The following ICE2 variants were observed in gnomAD, a reference collection of about 807,000 sequenced individuals.
The protein encoded by ICE2 is interactor of little elongation complex ELL subunit 2.
Under a neutral mutation model 105.4 loss-of-function variants are expected in ICE2, and 87 were observed. The observed-to-expected ratio is 0.83, with a 90% CI of 0.69 to 0.99. The LOEUF is 0.99. Among genes scored for constraint, ICE2 ranks in the 50% least tolerant of loss-of-function variants. The pLI, the probability that ICE2 is intolerant of heterozygous loss-of-function variation, is 0.00. For missense variants in ICE2, 1,323 were observed against 1,146.7 expected, an observed-to-expected ratio of 1.15 and a Z score of -2.22; for synonymous variants, 399 against 392.0, an observed-to-expected ratio of 1.02 and a Z score of -0.21.
In ICE2 at chr15:60,421,110, C is replaced by G. The variant is rs2063238989; in HGVS notation, c.*2524G>C. On this transcript the variant is annotated 3_prime_UTR_variant, in exon 16 of 16. Coordinates refer to ENST00000261520, the MANE Select transcript of ICE2 (RefSeq NM_024611.6). ...AGTTGCACTCACTTACTGAATTAAACTGTTTTCAAAGAGGTGTGTATAAAT... is the reference window on the plus strand; with the variant it reads ...AGTTGCACTCACTTACTGAATTAAAGTGTTTTCAAAGAGGTGTGTATAAAT... The G allele has an allele frequency of 6.6e-6, 1 of 151,940 alleles. No individual in the cohort carries two copies. The highest frequency in any genetic ancestry group is 2.1e-4 in the South Asian group (1 of 4,828). 9.4% of individuals were successfully genotyped at this position (151,940 alleles called of 1,614,324 possible). A position where few individuals can be genotyped will look rare whatever the true frequency, so the allele number is the denominator to read the frequency against.
intron 13 of ICE2, among the ~76,000 whole-genome samples, chr15:60,434,008 T>C (rs1595749147): frequency 6.6e-6 from 1 of 152,126 alleles, no homozygotes; most frequent in African/African-American, 2.4e-5. Flanking sequence ...CCTGGAACTA[T>C]GCGGCTAGTA....
intron 13 of ICE2, among the ~76,000 whole-genome samples, chr15:60,434,567 A>AC (rs1566972767): frequency 4.7e-5 from 7 of 148,732 alleles, no homozygotes; most frequent in Admixed American, 2.7e-4. Context: ...ACACACACAC[A>AC]ATGGAATATA....
At chr15:60,440,599 G>A (rs994516128) in intron 12 of ICE2, 1 of 152,072 alleles carries the variant, frequency 6.6e-6, no homozygotes, top group Non-Finnish European at 1.5e-5. Context: ...GCATCAGTAC[G>A]ACCTGAGAAA....
intron 5 of ICE2, among the ~76,000 whole-genome samples, chr15:60,461,347 G>A (rs976206126): frequency 5.3e-5 from 8 of 151,764 alleles, no homozygotes; most frequent in Non-Finnish European, 1.2e-4. Context: ...GAAACTTTAC[G>A]GCTTAATAAA....
In ICE2 at chr15:60,436,224, T is replaced by C. The variant is rs2063583522; in HGVS notation, c.2429A>G (p.His810Arg). The C allele has an allele frequency of 1.6e-6, 2 of 1,288,472 alleles. No homozygotes were observed. The highest frequency in any genetic ancestry group is 2.1e-6 in the Non-Finnish European group (2 of 945,920). 79.8% of individuals were successfully genotyped at this position (1,288,472 alleles called of 1,614,324 possible). ...AAGTTTTGAAGTAAATGCATCGATA[T>C]GCCCTAAAATAAAATATCAAACTTA... The part of the protein sequence containing the change: ...LHSNSSFYVG[H>R]IDAFTSKLFL... Residue 810 changes from histidine (H) to arginine (R), a missense_variant, in exon 13 of 16, where the codon CAT becomes CGT. Coordinates refer to ENST00000261520, the MANE Select transcript of ICE2 (RefSeq NM_024611.6).
chr15:60,450,928 T>C lies in ICE2; in HGVS notation c.1126-1087A>G, dbSNP rs149828533. On this transcript the variant is annotated intron_variant, in intron 9 of 15. Coordinates refer to ENST00000261520, the MANE Select transcript of ICE2 (RefSeq NM_024611.6). ...AACTATATGCTGCTTATGTGAGGCA[T>C]TCCTACACAAAAAGGTTAAAAACAA... Among the ~76,000 whole-genome samples, 754 of 152,270 alleles carry C rather than the reference T, an allele frequency of 5.0e-3. 7 individuals carry two copies. The highest frequency in any genetic ancestry group is 0.017 in the African/African-American group (717 of 41,552).
chr15:60,431,014 G>T (rs2063446610), intron 14 of ICE2, among the ~76,000 whole-genome samples: 1 of 152,050 alleles, frequency 6.6e-6, no homozygotes, highest in African/African-American at 2.4e-5. Context: ...TGGGATTACA[G>T]GTGCACGCCA....
intron 15 of ICE2, 147 bp downstream of exon 15, chr15:60,428,279 TACA>T (rs2063380313): frequency 1.1e-6 from 1 of 882,322 alleles, no homozygotes; most frequent in African/African-American, 1.7e-5. Flanking sequence ...CACCATGGCA[TACA>T]ACTTTATCCT....
intron 5 of ICE2, among the ~76,000 whole-genome samples, chr15:60,466,021 G>A (rs1300426829): frequency 6.6e-6 from 1 of 151,984 alleles, no homozygotes. Context: ...CAAAGTGCTG[G>A]GATTAGAGGT....
At chr15:60,436,969 T>C (rs1389177184) in intron 12 of ICE2, among the ~76,000 whole-genome samples, 1 of 152,092 alleles carries the variant, frequency 6.6e-6, no homozygotes, top group African/African-American at 2.4e-5. Context: ...ATTTTTTAAT[T>C]AGACTGGGTG....
intron 3 of ICE2, among the ~76,000 whole-genome samples, chr15:60,470,808 CTT>C (rs1481597050): frequency 6.6e-6 from 1 of 152,006 alleles, no homozygotes; most frequent in Non-Finnish European, 1.5e-5. Flanking sequence ...TTATTTCACA[CTT>C]ATAGGTATAG....
chr15:60,420,502 A>G lies in ICE2; in HGVS notation c.*3132T>C, dbSNP rs982817276. On this transcript the variant is annotated 3_prime_UTR_variant, in exon 16 of 16. Coordinates refer to ENST00000261520, the MANE Select transcript of ICE2 (RefSeq NM_024611.6). ...CATATCTGATCATGTCAGTTAATTAACCTTCACTACTGGTTCCCACATTGC... is the reference window on the plus strand; with the variant it reads ...CATATCTGATCATGTCAGTTAATTAGCCTTCACTACTGGTTCCCACATTGC... 2 of 152,216 alleles carry G rather than the reference A, an allele frequency of 1.3e-5. No individual in the cohort carries two copies. The highest frequency in any genetic ancestry group is 4.8e-5 in the African/African-American group (2 of 41,440). The allele number at this position is 152,216 out of a possible 1,614,324, so 9.4% of individuals were successfully genotyped here.
rs2063224206 is a variant in ICE2, at chr15:60,419,779, C to T, written c.*3855G>A. On this transcript the variant is annotated 3_prime_UTR_variant, in exon 16 of 16. Transcript: ENST00000261520. ...TAATGCATAGAAAACGTCTTAACAT[C>T]TTTACAACATGCCCATTAGGAACTA... The T allele has an allele frequency of 6.6e-6, 1 of 152,204 alleles. No individual in the cohort carries two copies. Among genetic ancestry groups the T allele is most frequent in the Admixed American group, 6.5e-5 (1 of 15,284 alleles). 9.4% of individuals were successfully genotyped at this position (152,204 alleles called of 1,614,324 possible).
chr15:60,434,847 A>G (rs1031477972), intron 13 of ICE2, among the ~76,000 whole-genome samples: 5 of 152,216 alleles, frequency 3.3e-5, no homozygotes, highest in African/African-American at 9.6e-5. Flanking sequence ...GAGAAATTAC[A>G]GTTCATCATA....
At chr15:60,430,972 A>G (rs566147062) in intron 14 of ICE2, among the ~76,000 whole-genome samples, 1 of 152,196 alleles carries the variant, frequency 6.6e-6, no homozygotes, top group African/African-American at 2.4e-5. Context: ...CCCGGGTTCA[A>G]GCGATTCTGC....
At chr15:60,461,931 A>AG (rs1443543248) in intron 5 of ICE2, among the ~76,000 whole-genome samples, 1 of 152,232 alleles carries the variant, frequency 6.6e-6, no homozygotes, top group Non-Finnish European at 1.5e-5. Context: ...AGAGCCTCTC[A>AG]GTGAGTTAAT....
chr15:60,434,313 A>AC (rs1447487376), intron 13 of ICE2, among the ~76,000 whole-genome samples: 1 of 152,218 alleles, frequency 6.6e-6, no homozygotes, highest in African/African-American at 2.4e-5. Context: ...TTAGACTCTC[A>AC]GAGTTTTTGA....
chr15:60,464,584 C>T (rs143860166), intron 5 of ICE2, among the ~76,000 whole-genome samples: 26 of 152,000 alleles, frequency 1.7e-4, no homozygotes, highest in Middle Eastern at 3.4e-3. Context: ...TGCCAAAGGA[C>T]TTAAGGCAGG....
chr15:60,478,599 T>C (rs2064836757), intron 1 of ICE2: 1 of 284,994 alleles, frequency 3.5e-6, no homozygotes, highest in African/African-American at 2.3e-5. Context: ...TCAGGCTTGA[T>C]CTCTCATGTT....
Sources: gnomAD v4.1 joint callset for allele counts (sites outside exome capture counted in the v4.1 genomes callset) on GRCh38, gnomAD v4.1.1 for gene constraint, MANE v1.5 for transcripts, NCBI Gene and HGNC (gene_info 2026-07-23, HGNC 2026-07-21) for gene names.